Variants in SDK2 observed in about 807,000 individuals in gnomAD.
SDK2 encodes the protein sidekick cell adhesion molecule 2.
A neutral mutation model predicts 253.9 loss-of-function variants in SDK2; 105 were observed. The observed-to-expected ratio is 0.41, with a 90% CI of 0.35 to 0.49. The LOEUF (loss-of-function observed/expected upper bound fraction) is 0.49. SDK2 is among the 20% of genes least tolerant of loss of function. The probability of loss-of-function intolerance (pLI) is 0.06; values close to 1 mark genes in which losing one functional copy is unlikely to be tolerated. For synonymous variants in SDK2, 1,249 were observed against 1,234.9 expected, an observed-to-expected ratio of 1.01 and a Z score of -0.24; for missense variants, 2,608 against 3,003.0, an observed-to-expected ratio of 0.87 and a Z score of 3.07.
chr17:73,554,723 C>T (rs1410091406), intron 1 of SDK2, among the ~76,000 whole-genome samples: 3 of 152,226 alleles, frequency 2.0e-5, no homozygotes, highest in Admixed American at 2.0e-4. Flanking sequence ...ATGCATCCTC[C>T]TCTATCTCTG....
Position 73,447,484 on chromosome 17 carries a change from T to TC in SDK2, c.613+130dup. ...TGTGTCTCGTCCTCCTTGGGAAGGC[T>TC]CCCCCCGGCCGTCCCCTAGCTTCCC... On this transcript the variant is annotated intron_variant, in intron 5 of 44. Coordinates refer to ENST00000392650, the MANE Select transcript of SDK2 (RefSeq NM_001144952.2). The surrounding 1 kb of genome is among the most constrained non-coding windows in gnomAD (Gnocchi z 4.0). 1.5e-6 allele frequency: 2 copies of TC among 1,322,166 alleles called. No homozygotes were observed. Among genetic ancestry groups the TC allele is most frequent in the South Asian group, 1.4e-5 (1 of 69,972 alleles). The allele number at this position is 1,322,166 out of a possible 1,614,324, so 81.9% of individuals were successfully genotyped here. A position where few individuals can be genotyped will look rare whatever the true frequency, so the allele number is the denominator to read the frequency against.
At chr17:73,607,389 C>CTG (rs3070636) in intron 1 of SDK2, among the ~76,000 whole-genome samples, 26,018 of 151,924 alleles carry the variant, frequency 0.17, 3,279 homozygotes, top group African/African-American at 0.37. Flanking sequence ...CTTCATTCAA[C>CTG]TGTGTGTGTG....
At chr17:73,591,214 G>A (rs564727901) in intron 1 of SDK2, among the ~76,000 whole-genome samples, 1 of 152,262 alleles carries the variant, frequency 6.6e-6, no homozygotes, top group East Asian at 1.9e-4. Flanking sequence ...CACCGCACCC[G>A]GTCTTAACTG....
chr17:73,591,884 G>A (rs927035484), intron 1 of SDK2, among the ~76,000 whole-genome samples: 5 of 152,164 alleles, frequency 3.3e-5, no homozygotes, highest in Non-Finnish European at 7.3e-5. Flanking sequence ...AGAGCATCAA[G>A]CACTAAAACG....
At chr17:73,555,040 T>A (rs1046871596) in intron 1 of SDK2, among the ~76,000 whole-genome samples, 1 of 152,154 alleles carries the variant, frequency 6.6e-6, no homozygotes, top group African/African-American at 2.4e-5. Flanking sequence ...GGGGGAGCTT[T>A]GTTCTGGGTT....
Position 73,379,073 on chromosome 17 carries a change from G to A in SDK2, c.4980+104C>T, listed in dbSNP as rs1599501427. The A allele has an allele frequency of 1.2e-6, 1 of 804,792 alleles. No homozygotes were observed. Among genetic ancestry groups the A allele is most frequent in the East Asian group, 2.7e-5 (1 of 36,926 alleles). The allele number at this position is 804,792 out of a possible 1,614,324, so 49.9% of individuals were successfully genotyped here. A position where few individuals can be genotyped will look rare whatever the true frequency, so the allele number is the denominator to read the frequency against. On this transcript the variant is annotated intron_variant, in intron 36 of 44. Coordinates refer to ENST00000392650, the MANE Select transcript of SDK2 (RefSeq NM_001144952.2). The surrounding 1 kb of genome is among the most constrained non-coding windows in gnomAD (Gnocchi z 4.5). ...GGGCCGAGGAGCTGGCTGGATGAAT[G>A]GAGGGCCTGGGGACCTGCCTGCCTC... is the stretch of plus-strand genomic sequence containing the variant.
chr17:73,359,977 C>A (rs1233897414), intron 39 of SDK2, among the ~76,000 whole-genome samples: 1 of 152,198 alleles, frequency 6.6e-6, no homozygotes, highest in African/African-American at 2.4e-5. Flanking sequence ...CCACTACCTT[C>A]TCTGAACCCT....
At chr17:73,640,268 G>A (rs984729094) in intron 1 of SDK2, among the ~76,000 whole-genome samples, 13 of 151,594 alleles carry the variant, frequency 8.6e-5, no homozygotes, top group African/African-American at 3.2e-4. Flanking sequence ...GTGTGTGTGT[G>A]GGGGGGTCGA....
intron 1 of SDK2, among the ~76,000 whole-genome samples, chr17:73,522,952 G>A (rs183327757): frequency 2.6e-5 from 4 of 152,296 alleles, no homozygotes; most frequent in Admixed American, 2.0e-4. Context: ...GGAAAGCCCT[G>A]GGCTGGAGGC....
chr17:73,393,659 C>A lies in SDK2; in HGVS notation c.3799G>T (p.Gly1267Cys). 1 of 1,601,214 alleles carries A rather than the reference C, an allele frequency of 6.2e-7. No individual in the cohort carries two copies. Among genetic ancestry groups the A allele is most frequent in the Non-Finnish European group, 8.5e-7 (1 of 1,170,364 alleles). ...SSRSAQLTGL[G>C]KYVLYEVQVL... Reference sequence around the variant, plus strand: ...TGGACTTCATAGAGCACGTATTTGCCCAAGCCGGTGAGCTGGGCACTGCGA... The same window carrying A: ...TGGACTTCATAGAGCACGTATTTGCACAAGCCGGTGAGCTGGGCACTGCGA... The change falls in exon 27 of 45, where the codon GGC becomes TGC. Residue 1267 changes from glycine (G) to cysteine (C), a missense_variant. Gly to Cys is a radical substitution (Grantham distance 159). Around this residue, in one of 2 missense-constraint regions of SDK2, gnomAD observed 1,505 missense variants for 1,859.1 expected, o/e 0.81. Transcript: ENST00000392650.
chr17:73,357,843 CAGTT>C (rs1420544788), intron 40 of SDK2: 2 of 654,214 alleles, frequency 3.1e-6, no homozygotes, highest in Non-Finnish European at 5.4e-6. Context: ...AGCTGGTCCT[CAGTT>C]AGCACTAACA....
chr17:73,338,552 T>A lies in SDK2; in HGVS notation c.*35A>T. On this transcript the variant is annotated 3_prime_UTR_variant, in exon 45 of 45. Transcript: ENST00000392650. This position sits in a 1 kb window ranked among gnomAD's most constrained non-coding sequence, Gnocchi z 5.0. The stretch of plus-strand genomic sequence containing the variant: ...GAGGAGGGGTGAAGGAGGAGTTTGG[T>A]GCCATTTCTCTTTCTGCTTTTTCCT... 7.7e-7 allele frequency: 1 copy of A among 1,293,928 alleles called. No individual in the cohort carries two copies. The highest frequency in any genetic ancestry group is 2.3e-5 in the East Asian group (1 of 42,604). 80.2% of individuals were successfully genotyped at this position (1,293,928 alleles called of 1,614,324 possible). A position where few individuals can be genotyped will look rare whatever the true frequency, so the allele number is the denominator to read the frequency against.
rs527988761 is a variant in SDK2, at chr17:73,387,236, G to T, written c.4394+600C>A. On this transcript the variant is annotated intron_variant, in intron 30 of 44. Transcript: ENST00000392650. ...CGGCCTCCCAAAGTGCTGGGATTCCGGGCGTAAGCCACCGCTCCTGGCCTC... is the reference window on the plus strand; with the variant it reads ...CGGCCTCCCAAAGTGCTGGGATTCCTGGCGTAAGCCACCGCTCCTGGCCTC... 7.2e-5 allele frequency among the ~76,000 whole-genome samples: 11 copies of T among 152,288 alleles called. No homozygotes were observed. The East Asian group carries it at 1.9e-3, about 27-fold the overall frequency.
chr17:73,590,779 A>G (rs2045670579), intron 1 of SDK2, among the ~76,000 whole-genome samples: 1 of 152,182 alleles, frequency 6.6e-6, no homozygotes, highest in South Asian at 2.1e-4. Context: ...TTAAGGGTAG[A>G]GTGTTAAGTG....
At chr17:73,636,013 C>G (rs1470020409) in intron 1 of SDK2, among the ~76,000 whole-genome samples, 1 of 152,104 alleles carries the variant, frequency 6.6e-6, no homozygotes, top group Non-Finnish European at 1.5e-5. Flanking sequence ...TCTTTCCAAA[C>G]TCTACACCCC....
At position 73,570,332 on chromosome 17, in the gene SDK2, G is replaced by A. The variant is rs2045366991; in HGVS notation, c.65-62735C>T. ...ACCACACAACCCATAGGTTCTGTGA[G>A]CTCCTGGCTCTGTTTTCTCAAATCG... On this transcript the variant is annotated intron_variant, in intron 1 of 44. Transcript: ENST00000392650. The surrounding 1 kb of genome is among the most constrained non-coding windows in gnomAD (Gnocchi z 4.2). Among the ~76,000 whole-genome samples the A allele has an allele frequency of 6.6e-6, 1 of 152,214 alleles. No individual in the cohort carries two copies. The highest frequency in any genetic ancestry group is 6.5e-5 in the Admixed American group (1 of 15,284).
At chr17:73,412,128 ATGTGTATG>A (rs1568389594) in intron 18 of SDK2, among the ~76,000 whole-genome samples, 1,558 of 38,376 alleles carry the variant, frequency 0.041, 50 homozygotes, top group South Asian at 0.092. Flanking sequence ...ATACGTATAT[ATGTGTATG>A]TGTATATGTA....
In SDK2 at chr17:73,409,225, A is replaced by G. The variant is rs550289301; in HGVS notation, c.2484+5419T>C. Reference sequence around the variant, plus strand: ...GCCGGGTGTGGTGGCTCACGCCTATAATGCCAGCACTTTGGGAGGCCAAGG... The same window carrying G: ...GCCGGGTGTGGTGGCTCACGCCTATGATGCCAGCACTTTGGGAGGCCAAGG... On this transcript the variant is annotated intron_variant, in intron 18 of 44. Transcript: ENST00000392650. 2.2e-3 allele frequency among the ~76,000 whole-genome samples: 337 copies of G among 152,320 alleles called. 1 individual carries two copies. Among genetic ancestry groups the G allele is most frequent in the Middle Eastern group, 0.01 (3 of 294 alleles).
At chr17:73,605,894 C>T (rs895519521) in intron 1 of SDK2, among the ~76,000 whole-genome samples, 5 of 152,080 alleles carry the variant, frequency 3.3e-5, no homozygotes, top group East Asian at 1.9e-4. Flanking sequence ...CTTCACCAAG[C>T]CCGGGAAAGC....
Sources: allele counts gnomAD v4.1 joint callset (sites outside exome capture counted in the v4.1 genomes callset), GRCh38; gene constraint gnomAD v4.1.1; regional missense constraint gnomAD v4.1.1; non-coding constraint Gnocchi (gnomAD v3.1); transcripts MANE v1.5; gene names NCBI Gene and HGNC (gene_info 2026-07-23, HGNC 2026-07-21).